SALL2: variants seen among roughly 807,000 people sequenced by gnomAD.
The protein encoded by SALL2 is spalt like transcription factor 2.
SALL2 carries 32 observed loss-of-function variants against 58.5 expected under a neutral mutation model. That is an observed-to-expected ratio of 0.55 (90% CI 0.41 to 0.74). The LOEUF (loss-of-function observed/expected upper bound fraction) is 0.74, where lower values mean the gene tolerates loss of function less well. SALL2 is among the 30% of genes least tolerant of loss of function. The pLI, the probability that SALL2 is intolerant of heterozygous loss-of-function variation, is 0.00. For missense variants in SALL2, 1,201 were observed against 1,268.9 expected (o/e 0.95, Z 0.81); for synonymous variants, 516 against 513.6 (o/e 1.00, Z -0.06).
At chr14:21,529,260 C>T (rs1176915019), upstream of SALL2, among the ~76,000 whole-genome samples, 2 of 152,110 alleles carry the variant, frequency 1.3e-5, no homozygotes, top group African/African-American at 4.8e-5. Flanking sequence ...TATCTCCGGT[C>T]AAATGCAAAG....
chr14:21,525,361 C>T lies in SALL2; in HGVS notation c.361G>A (p.Gly121Arg). Residue 121 changes from glycine to arginine, a missense_variant, in exon 2 of 2, where the codon GGG becomes AGG. Physicochemically the swap from Gly to Arg is moderately radical, Grantham distance 125 (BLOSUM62 -2). Around this residue, in one of 3 missense-constraint regions of SALL2, gnomAD observed 467 missense variants for 468.9 expected, o/e 1.00. Coordinates refer to ENST00000537235, the MANE Select transcript of SALL2 (RefSeq NM_001364564.1). The surrounding 1 kb of genome is among the most constrained non-coding windows in gnomAD (Gnocchi z 4.4). The stretch of plus-strand genomic sequence containing the variant: ...CCTGTGGCAGCGACCAGGAAATGCC[C>T]TGAAGACTCCTCTCCTCTCCTCTCT... ...GPERRGEESSGHFLVAATGTA... is the reference protein window; with the variant it reads ...GPERRGEESSRHFLVAATGTA... 1.2e-6 allele frequency: 2 copies of T among 1,614,076 alleles called. No homozygotes were observed. Among genetic ancestry groups the T allele is most frequent in the Non-Finnish European group, 1.7e-6 (2 of 1,179,980 alleles).
Position 21,523,440 on chromosome 14 carries a change from G to T in SALL2, c.2282C>A (p.Ser761Tyr). Residue 761 changes from serine (S) to tyrosine (Y), a missense_variant, in exon 2 of 2, where the codon TCT becomes TAT. Physicochemically the swap from Ser to Tyr is moderately radical, Grantham distance 144 (BLOSUM62 -2). Transcript: ENST00000537235. This position sits in a 1 kb window ranked among gnomAD's most constrained non-coding sequence, Gnocchi z 4.4. ...SQQPSPEEEL[S>Y]EEEEEEDEEE... is the part of the protein sequence containing the mutation. ...CTCATCCTCCTCTTCCTCCTCCTCA[G>T]ACAACTCCTCTTCCGGTGATGGCTG... 6.2e-7 allele frequency: 1 copy of T among 1,613,832 alleles called. No individual in the cohort carries two copies. The highest frequency in any genetic ancestry group is 2.2e-5 in the East Asian group (1 of 44,880).
At chr14:21,528,158 A>C (rs1233211901), upstream of SALL2, among the ~76,000 whole-genome samples, 1 of 152,124 alleles carries the variant, frequency 6.6e-6, no homozygotes, top group African/African-American at 2.4e-5. Context: ...AAAAAGTCTA[A>C]AAAAATTAAT....
chr14:21,526,515 G>C (rs867578533), upstream of SALL2: 3 of 1,162,896 alleles, frequency 2.6e-6, no homozygotes, highest in Non-Finnish European at 3.2e-6. Flanking sequence ...CACTGCGGGG[G>C]TCCACCTTTC....
upstream of SALL2, chr14:21,526,604 G>A (rs754935226): frequency 8.3e-5 from 54 of 651,712 alleles, no homozygotes; most frequent in Non-Finnish European, 1.1e-4. Flanking sequence ...CCCCTCCTAA[G>A]CTCTAGGGGC....
chr14:21,536,974 G>A (rs375737290), exon 1 of SALL2: 262 of 1,525,272 alleles, frequency 1.7e-4, no homozygotes, highest in Non-Finnish European at 2.2e-4. Flanking sequence ...GGTCTTAACC[G>A]GGGTGACCTG....
chr14:21,531,737 C>T (rs1472992035), intron 1 of SALL2, among the ~76,000 whole-genome samples: 2 of 110,628 alleles, frequency 1.8e-5, no homozygotes, highest in African/African-American at 3.4e-5. Context: ...GACGGAGTCT[C>T]GCTCTGTCGC....
At chr14:21,530,308 A>T (rs1892427004), upstream of SALL2, among the ~76,000 whole-genome samples, 2 of 58,748 alleles carry the variant, frequency 3.4e-5, no homozygotes, top group African/African-American at 6.7e-5. Flanking sequence ...TTTTTTTGAG[A>T]CGGAGTTTTG....
Position 21,525,449 on chromosome 14 carries a change from G to A in SALL2, c.273C>T (p.Asp91=). 9.9e-6 allele frequency: 16 copies of A among 1,613,900 alleles called. No individual in the cohort carries two copies. Among genetic ancestry groups the A allele is most frequent in the Non-Finnish European group, 1.4e-5 (16 of 1,179,886 alleles). The part of the protein sequence containing the change: ...PEGHNNPQVM[D]TEHSNPPDSG... ...AATCTGGGGGGTTGCTATGCTCTGT[G>A]TCCATGACCTGAGGATTATTGTGAC... Residue 91 remains aspartate (D), a synonymous_variant, in exon 2 of 2, where the codon GAC becomes GAT. Transcript: ENST00000537235. The surrounding 1 kb of genome is among the most constrained non-coding windows in gnomAD (Gnocchi z 4.4).
Position 21,526,240 on chromosome 14 carries a change from C to T in SALL2, c.-113G>A, listed in dbSNP as rs1892305421. On this transcript the variant is annotated 5_prime_UTR_variant, in exon 1 of 2. Coordinates refer to ENST00000537235, the MANE Select transcript of SALL2 (RefSeq NM_001364564.1). ...CCTCTGCACCCAGCGGCCCAGACTG[C>T]GGAGATGGAGATCGGCAGCGGCGGG... 3 of 1,451,050 alleles carry T rather than the reference C, an allele frequency of 2.1e-6. No homozygotes were observed. Among genetic ancestry groups the T allele is most frequent in the African/African-American group, 2.9e-5 (2 of 69,780 alleles). 89.9% of individuals were successfully genotyped at this position (1,451,050 alleles called of 1,614,324 possible).
Position 21,525,696 on chromosome 14 carries a change from G to T in SALL2, c.68-42C>A. The T allele has an allele frequency of 6.5e-7, 1 of 1,530,592 alleles. No individual in the cohort carries two copies. Among genetic ancestry groups the T allele is most frequent in the Non-Finnish European group, 8.8e-7 (1 of 1,139,010 alleles). 94.8% of individuals were successfully genotyped at this position (1,530,592 alleles called of 1,614,324 possible). On this transcript the variant is annotated intron_variant, in intron 1 of 1. Transcript: ENST00000537235. The surrounding 1 kb of genome is among the most constrained non-coding windows in gnomAD (Gnocchi z 4.4). ...GAGAGAGAGCGTGGGTGGCGCAGTT[G>T]GGTTGGGTATACCGAGGCTCTAATT...
chr14:21,532,918 G>A (rs898158892), intron 1 of SALL2, among the ~76,000 whole-genome samples: 1 of 151,974 alleles, frequency 6.6e-6, no homozygotes, highest in Admixed American at 6.6e-5. Flanking sequence ...AGCCAAGATC[G>A]CGCCACTGCA....
At position 21,523,121 on chromosome 14, in the gene SALL2, C is replaced by T. The variant is rs149373902; in HGVS notation, c.2601G>A (p.Pro867=). ...CTGATGCCGGACTTGAGCTTCTCTC[C>T]GGTTTGCCCCCCTCTTCCTTGCCTC... ...VLGGKEEGGK[P]ERSSSPASAL... is the part of the protein sequence containing the mutation. Residue 867 remains proline (P), a synonymous_variant, in exon 2 of 2, where the codon CCG becomes CCA. Transcript: ENST00000537235. The surrounding 1 kb of genome is among the most constrained non-coding windows in gnomAD (Gnocchi z 4.4). The T allele has an allele frequency of 6.4e-5, 104 of 1,614,194 alleles. No homozygotes were observed. In the African/African-American group the frequency reaches 1.1e-3, roughly 17 times the overall value.
chr14:21,530,754 C>T (rs1036611494), upstream of SALL2, among the ~76,000 whole-genome samples: 4 of 152,154 alleles, frequency 2.6e-5, no homozygotes, highest in Non-Finnish European at 1.5e-5. Context: ...GGACTACAGG[C>T]ATGCACAATC....
chr14:21,524,069 CAACT>C lies in SALL2; in HGVS notation c.1649_1652del (p.Lys550ArgfsTer2), dbSNP rs1566509122. ...GTGCCCAGCTTGGTAGTGAAGTCAC[CAACT>C]TACTTAGTTGCATGCGAGTTGCCGT... On this transcript the variant is annotated frameshift_variant, in exon 2 of 2. Coordinates refer to ENST00000537235, the MANE Select transcript of SALL2 (RefSeq NM_001364564.1). LOFTEE classifies it high-confidence loss of function. 1 of 1,614,138 alleles carries C rather than the reference CAACT, an allele frequency of 6.2e-7. No homozygotes were observed. Among genetic ancestry groups the C allele is most frequent in the Non-Finnish European group, 8.5e-7 (1 of 1,179,990 alleles).
In SALL2 at chr14:21,521,929, G is replaced by A; in HGVS notation, c.*775C>T. 3 of 1,467,700 alleles carry A rather than the reference G, an allele frequency of 2.0e-6. No homozygotes were observed. The highest frequency in any genetic ancestry group is 1.4e-5 in the African/African-American group (1 of 71,620). The allele number at this position is 1,467,700 out of a possible 1,614,324, so 90.9% of individuals were successfully genotyped here. Reference sequence around the variant, plus strand: ...CCTTCATTTCTCCCTACTTCCTAGGGTTGGGTCACCAATTACTGGAGCATC... The same window carrying A: ...CCTTCATTTCTCCCTACTTCCTAGGATTGGGTCACCAATTACTGGAGCATC... On this transcript the variant is annotated 3_prime_UTR_variant, in exon 2 of 2. Transcript: ENST00000537235.
At position 21,536,821 on chromosome 14, in the gene SALL2, G is replaced by A. The variant is rs759895188; in HGVS notation, c.-114+141C>T. The stretch of plus-strand genomic sequence containing the variant: ...CTGACCCACACAGGCTTGGACTTAG[G>A]GGCCCCCACCCCTCCCCAGGCACCC... On this transcript the variant is annotated intron_variant, in intron 1 of 1. Transcript: ENST00000541965. 61 of 1,609,998 alleles carry A rather than the reference G, an allele frequency of 3.8e-5. No homozygotes were observed. The Middle Eastern group carries it at 5.0e-4, about 13-fold the overall frequency.
upstream of SALL2, among the ~76,000 whole-genome samples, chr14:21,530,987 TACTG>T (rs1260640857): frequency 2.0e-5 from 3 of 152,206 alleles, no homozygotes; most frequent in East Asian, 5.8e-4. Context: ...TAACTATTGC[TACTG>T]ACTACTTCTT....
At position 21,523,982 on chromosome 14, in the gene SALL2, C is replaced by G; in HGVS notation, c.1740G>C (p.Leu580Phe). Residue 580 changes from leucine to phenylalanine, a missense_variant, in exon 2 of 2, where the codon TTG (leucine) becomes TTC (phenylalanine). Coordinates refer to ENST00000537235, the MANE Select transcript of SALL2 (RefSeq NM_001364564.1). The surrounding 1 kb of genome is among the most constrained non-coding windows in gnomAD (Gnocchi z 4.4). ...TTGATGTCTCAGAGGGTGAGGCCCC[C>G]AAGGGCTCTAGCACATAGGGGAAGG... ...SFPFPYVLEPLGASPSETSKL... is the reference protein window; with the variant it reads ...SFPFPYVLEPFGASPSETSKL... 1 of 1,614,220 alleles carries G rather than the reference C, an allele frequency of 6.2e-7. No individual in the cohort carries two copies. The highest frequency in any genetic ancestry group is 8.5e-7 in the Non-Finnish European group (1 of 1,180,042).
Sources: gnomAD v4.1 joint callset for allele counts (sites outside exome capture counted in the v4.1 genomes callset) on GRCh38, gnomAD v4.1.1 for gene constraint, gnomAD v4.1.1 regional missense constraint, Gnocchi (gnomAD v3.1) non-coding constraint, MANE v1.5 for transcripts, NCBI Gene and HGNC (gene_info 2026-07-23, HGNC 2026-07-21) for gene names.